The following TRAPPC9 variants were observed in gnomAD, a reference collection of about 807,000 sequenced individuals.
TRAPPC9 encodes the protein trafficking protein particle complex subunit 9.
Under a neutral mutation model 124.0 loss-of-function variants are expected in TRAPPC9, and 83 were observed. That is an observed-to-expected ratio of 0.67 (90% CI 0.56 to 0.80). TRAPPC9 has a LOEUF of 0.80. Among genes scored for constraint, TRAPPC9 ranks in the 30% least tolerant of loss-of-function variants. The pLI, the probability that TRAPPC9 is intolerant of heterozygous loss-of-function variation, is 0.00. For missense variants in TRAPPC9, 1,302 were observed against 1,508.3 expected (o/e 0.86, Z 2.27); for synonymous variants, 638 against 617.5 (o/e 1.03, Z -0.49).
At chr8:140,387,286 G>A (rs901437343) in intron 7 of TRAPPC9, among the ~76,000 whole-genome samples, 3 of 152,088 alleles carry the variant, frequency 2.0e-5, no homozygotes, top group African/African-American at 7.2e-5. Context: ...AGAAAACCTA[G>A]GCAATACCAT....
intron 21 of TRAPPC9, among the ~76,000 whole-genome samples, chr8:139,835,778 A>C (rs75412499): frequency 0.026 from 3,910 of 152,216 alleles, 51 homozygotes; most frequent in South Asian, 0.047. Flanking sequence ...AAAACAAAAA[A>C]AAAAAAAGCT....
chr8:140,089,232 C>A (rs6989675), intron 17 of TRAPPC9, among the ~76,000 whole-genome samples: 2 of 152,092 alleles, frequency 1.3e-5, no homozygotes, highest in South Asian at 2.1e-4. Flanking sequence ...CCTCTTCCCC[C>A]CCGAGTGTTC....
chr8:139,830,258 CACACATGCAT>C (rs1161130285), intron 21 of TRAPPC9, among the ~76,000 whole-genome samples: 2 of 151,542 alleles, frequency 1.3e-5, no homozygotes, highest in East Asian at 1.9e-4. Context: ...TACACATGCA[CACACATGCAT>C]ACACACACAA....
At chr8:140,107,309 G>A (rs1333662343) in intron 17 of TRAPPC9, among the ~76,000 whole-genome samples, 1 of 152,176 alleles carries the variant, frequency 6.6e-6, no homozygotes, top group Non-Finnish European at 1.5e-5. Flanking sequence ...AGAAATGGAA[G>A]GCTTTTTACG....
chr8:139,893,320 C>T (rs2131167976), intron 20 of TRAPPC9, among the ~76,000 whole-genome samples: 1 of 152,356 alleles, frequency 6.6e-6, no homozygotes, highest in Admixed American at 6.5e-5. Context: ...CCCAGCTCTT[C>T]CTGGAATGTC....
chr8:140,207,195 C>A (rs2062944986), intron 17 of TRAPPC9, among the ~76,000 whole-genome samples: 1 of 152,166 alleles, frequency 6.6e-6, no homozygotes, highest in African/African-American at 2.4e-5. Context: ...TCAAAGATGG[C>A]CTGAAGTAAC....
intron 20 of TRAPPC9, among the ~76,000 whole-genome samples, chr8:139,897,448 C>A (rs1353254864): frequency 6.6e-6 from 1 of 152,214 alleles, no homozygotes; most frequent in African/African-American, 2.4e-5. Flanking sequence ...AACATGCAAT[C>A]CAAGCCACTA....
intron 17 of TRAPPC9, among the ~76,000 whole-genome samples, chr8:140,209,548 G>T (rs566543973): frequency 6.6e-6 from 1 of 152,294 alleles, no homozygotes; most frequent in Admixed American, 6.5e-5. Flanking sequence ...CAGATTAAAG[G>T]ATTCCTTTGA....
At chr8:139,996,496 G>A (rs1838007415) in intron 18 of TRAPPC9, among the ~76,000 whole-genome samples, 1 of 151,360 alleles carries the variant, frequency 6.6e-6, no homozygotes, top group Admixed American at 6.6e-5. Flanking sequence ...AAGTAAATGT[G>A]AAGATAGATT....
chr8:139,765,781 G>T (rs1213624712), intron 21 of TRAPPC9, among the ~76,000 whole-genome samples: 1 of 152,194 alleles, frequency 6.6e-6, no homozygotes, highest in African/African-American at 2.4e-5. Flanking sequence ...TGCCAAGCCT[G>T]TGCCAGTCTG....
rs894787855 is a variant in TRAPPC9, at chr8:140,201,965, A to G, written c.2556+19494T>C. Among the ~76,000 whole-genome samples the G allele has an allele frequency of 2.6e-5, 4 of 152,160 alleles. No individual in the cohort carries two copies. The East Asian group carries it at 7.7e-4, about 29-fold the overall frequency. ...GCTATGGCAGGTTGGGAAGGGCTCT[A>G]AGGAAAAAATGTGGAAGGTTCCAGC... On this transcript the variant is annotated intron_variant, in intron 17 of 22. Transcript: ENST00000438773.
chr8:140,073,355 T>C (rs963261072), intron 17 of TRAPPC9, among the ~76,000 whole-genome samples: 4 of 152,220 alleles, frequency 2.6e-5, no homozygotes, highest in African/African-American at 9.6e-5. Context: ...GTCCATGCAA[T>C]GGATTACTAA....
chr8:140,031,918 G>C (rs1469955336), intron 17 of TRAPPC9, among the ~76,000 whole-genome samples: 1 of 152,210 alleles, frequency 6.6e-6, no homozygotes, highest in Non-Finnish European at 1.5e-5. Context: ...AGACCAAGTT[G>C]AAAGTCTGGT....
At chr8:140,328,431 A>T (rs1309540258) in intron 9 of TRAPPC9, among the ~76,000 whole-genome samples, 1 of 152,178 alleles carries the variant, frequency 6.6e-6, no homozygotes, top group African/African-American at 2.4e-5. Context: ...AGCTTTACAT[A>T]AAAAGCAACC....
At chr8:139,876,464 C>A (rs1829328374) in intron 21 of TRAPPC9, among the ~76,000 whole-genome samples, 1 of 152,210 alleles carries the variant, frequency 6.6e-6, no homozygotes, top group Admixed American at 6.5e-5. Context: ...TCTAGTCTGT[C>A]TCTCGCCTCT....
At chr8:140,297,171 TCCA>T (rs147839543) in intron 11 of TRAPPC9, among the ~76,000 whole-genome samples, 41,881 of 152,062 alleles carry the variant, frequency 0.28, 6,100 homozygotes, top group Middle Eastern at 0.39. Context: ...TGCCTGTTCA[TCCA>T]CCACGTCTAC....
chr8:140,326,262 G>A (rs866018257), intron 9 of TRAPPC9, among the ~76,000 whole-genome samples: 3 of 151,666 alleles, frequency 2.0e-5, no homozygotes, highest in Admixed American at 6.6e-5. Context: ...GGGGGTTACT[G>A]CAGGGAAGGC....
At position 140,380,041 on chromosome 8, in the gene TRAPPC9, C is replaced by T. The variant is rs144971608; in HGVS notation, c.1135-8861G>A. ...CTCCAATGGATCTACAGACTCAATG[C>T]GATCCCTATCAAAATCCCAGCTGAC... On this transcript the variant is annotated intron_variant, in intron 7 of 22. Coordinates refer to ENST00000438773, the MANE Select transcript of TRAPPC9 (RefSeq NM_001160372.4). Among the ~76,000 whole-genome samples, 106 of 152,178 alleles carry T rather than the reference C, an allele frequency of 7.0e-4. No homozygotes were observed. In the East Asian group the frequency reaches 0.015, roughly 22 times the overall value.
chr8:140,383,756 A>T (rs925651408), intron 7 of TRAPPC9, among the ~76,000 whole-genome samples: 3 of 152,246 alleles, frequency 2.0e-5, no homozygotes, highest in African/African-American at 7.2e-5. Context: ...ATTATCCACA[A>T]GAACTTCCCC....
Sources: gnomAD v4.1 joint callset for allele counts (sites outside exome capture counted in the v4.1 genomes callset) on GRCh38, gnomAD v4.1.1 for gene constraint, MANE v1.5 for transcripts, NCBI Gene and HGNC (gene_info 2026-07-23, HGNC 2026-07-21) for gene names.